Variants in ALG8 observed in about 807,000 individuals in gnomAD.
The protein encoded by ALG8 is ALG8 alpha-1,3-glucosyltransferase, also known as dolichyl pyrophosphate Glc1Man9GlcNAc2 alpha-1,3-glucosyltransferase.
Under a neutral mutation model 70.2 loss-of-function variants are expected in ALG8, and 48 were observed. The ratio of observed to expected loss-of-function variants is 0.68; its 90% confidence interval spans 0.54 to 0.87. The LOEUF (loss-of-function observed/expected upper bound fraction) is 0.87, where lower values mean the gene tolerates loss of function less well. ALG8 is among the 40% of genes least tolerant of loss of function. The pLI is 0.00. For synonymous variants in ALG8, 234 were observed against 229.0 expected, an observed-to-expected ratio of 1.02 and a Z score of -0.20; for missense variants, 572 against 608.7, an observed-to-expected ratio of 0.94 and a Z score of 0.64.
chr11:78,112,262 A>C (rs1054185245), intron 8 of ALG8: 7 of 316,170 alleles, frequency 2.2e-5, no homozygotes, highest in African/African-American at 1.5e-4. Context: ...CCTGGGTGAC[A>C]GTGAGACCCT....
Position 78,121,098 on chromosome 11 carries a change from G to A in ALG8, c.445C>T (p.Leu149Phe), listed in dbSNP as rs1222339135. 2 of 1,613,894 alleles carry A rather than the reference G, an allele frequency of 1.2e-6. No homozygotes were observed. Among genetic ancestry groups the A allele is most frequent in the Non-Finnish European group, 8.5e-7 (1 of 1,179,944 alleles). Residue 149 changes from leucine to phenylalanine, a missense_variant, in exon 4 of 13, where the codon CTT (leucine) becomes TTT (phenylalanine). Leu to Phe is a conservative substitution (Grantham distance 22). Coordinates refer to ENST00000299626, the MANE Select transcript of ALG8 (RefSeq NM_024079.5). ...ATTAATAACCCGAAGTTCCACAGAA[G>A]TAATACCGACAGAATAAATTTTGGC... is the stretch of plus-strand genomic sequence containing the variant. The part of the protein sequence containing the change: ...EKPKFILSVL[L>F]LWNFGLLIVD...
intron 3 of ALG8, among the ~76,000 whole-genome samples, chr11:78,121,526 C>T (rs113998806): frequency 2.0e-4 from 29 of 147,478 alleles, no homozygotes; most frequent in African/African-American, 7.3e-4. Context: ...TGAGGCCAGC[C>T]TGGGCGACAT....
chr11:78,109,651 A>C (rs1681633728), intron 8 of ALG8, 70 bp from the exon 9 acceptor site: 1 of 1,422,838 alleles, frequency 7.0e-7, no homozygotes, highest in Admixed American at 1.7e-5. Context: ...TTAACAATCA[A>C]TTCCTTGAGG....
intron 3 of ALG8, among the ~76,000 whole-genome samples, chr11:78,122,858 G>GC (rs1054568497): frequency 1.2e-5 from 1 of 82,368 alleles, no homozygotes; most frequent in African/African-American, 7.5e-5. Context: ...ATGAGAATGC[G>GC]CAAGGGTTAA....
intron 5 of ALG8, among the ~76,000 whole-genome samples, chr11:78,118,379 G>A (rs1370374876): frequency 6.6e-6 from 1 of 152,244 alleles, no homozygotes; most frequent in East Asian, 1.9e-4. Context: ...ACTTTGGGAG[G>A]CTGAGGCGGG....
chr11:78,114,050 A>G (rs768929600), intron 6 of ALG8, 61 bp from the exon 7 acceptor site: 9 of 1,468,710 alleles, frequency 6.1e-6, no homozygotes, highest in Non-Finnish European at 8.4e-6. Flanking sequence ...ACCATAACCT[A>G]TATCATGTGC....
intron 1 of ALG8, 146 bp downstream of exon 1, chr11:78,139,348 G>C (rs1467672543): frequency 1.2e-6 from 1 of 833,374 alleles, no homozygotes; most frequent in African/African-American, 1.7e-5. Flanking sequence ...AACAACTGGC[G>C]AAACAGAAAG....
intron 1 of ALG8, among the ~76,000 whole-genome samples, chr11:78,132,810 T>C (rs1009733533): frequency 1.8e-4 from 27 of 150,330 alleles, no homozygotes; most frequent in Admixed American, 4.7e-4. Context: ...GGTCGCCTGA[T>C]AGGATCCTGT....
chr11:78,118,108 A>G (rs1363130029), intron 5 of ALG8, among the ~76,000 whole-genome samples: 2 of 151,832 alleles, frequency 1.3e-5, no homozygotes, highest in East Asian at 3.9e-4. Context: ...CATGGAATGT[A>G]TGTAATCTTA....
chr11:78,101,491 G>C (rs1409968108), intron 12 of ALG8, among the ~76,000 whole-genome samples: 1 of 152,084 alleles, frequency 6.6e-6, no homozygotes, highest in Non-Finnish European at 1.5e-5. Flanking sequence ...TAGCCGACCA[G>C]GGTGGCACAG....
At chr11:78,123,997 C>G in intron 3 of ALG8, 24 bp downstream of exon 3, 2 of 1,613,242 alleles carry the variant, frequency 1.2e-6, no homozygotes, top group Non-Finnish European at 1.7e-6. Context: ...ACCTTCCATA[C>G]AAAATGACAT....
At chr11:78,102,629 A>T (rs576244932) in intron 12 of ALG8, among the ~76,000 whole-genome samples, 1 of 152,296 alleles carries the variant, frequency 6.6e-6, no homozygotes, top group Admixed American at 6.5e-5. Context: ...GTTTTTATGG[A>T]CACAGTTATG....
chr11:78,112,803 G>A (rs1323825573), intron 7 of ALG8, 33 bp from the exon 8 acceptor site: 1 of 1,609,168 alleles, frequency 6.2e-7, no homozygotes, highest in East Asian at 2.2e-5. Context: ...TGATTAAACA[G>A]TCATCAATCT....
intron 2 of ALG8, among the ~76,000 whole-genome samples, chr11:78,124,917 G>GA (rs1448964938): frequency 6.6e-6 from 1 of 151,996 alleles, no homozygotes; most frequent in Non-Finnish European, 1.5e-5. Flanking sequence ...TATTGCTTGG[G>GA]ATAAAATAAC....
At chr11:78,110,973 T>C (rs1369621228) in intron 8 of ALG8, among the ~76,000 whole-genome samples, 3 of 152,230 alleles carry the variant, frequency 2.0e-5, no homozygotes, top group Non-Finnish European at 2.9e-5. Context: ...AACTGGCCCT[T>C]GTACCTCATA....
chr11:78,139,622 T>A lies in ALG8; in HGVS notation c.-34A>T. The A allele has an allele frequency of 6.5e-7, 1 of 1,546,300 alleles. No individual in the cohort carries two copies. Among genetic ancestry groups the A allele is most frequent in the Non-Finnish European group, 8.8e-7 (1 of 1,142,544 alleles). On this transcript the variant is annotated 5_prime_UTR_variant, in exon 1 of 13. Transcript: ENST00000299626. The stretch of plus-strand genomic sequence containing the variant: ...CACCGCACGCTTCCCACCAACTTGA[T>A]CCACATCCGGGATCCCGCGCATGCG...
At position 78,104,321 on chromosome 11, in the gene ALG8, A is replaced by G. The variant is rs373009674; in HGVS notation, c.1276+35T>C. Reference sequence around the variant, plus strand: ...TGGGCCTCGATGAAAAGGTTGTGATAGTCAAATATATTTTTCTCAGAAGAC... The same window carrying G: ...TGGGCCTCGATGAAAAGGTTGTGATGGTCAAATATATTTTTCTCAGAAGAC... On this transcript the variant is annotated intron_variant, in intron 11 of 12. Transcript: ENST00000299626. 2.1e-4 allele frequency: 315 copies of G among 1,520,234 alleles called. 1 individual carries two copies. The highest frequency in any genetic ancestry group is 2.6e-4 in the Non-Finnish European group (296 of 1,127,326). 94.2% of individuals were successfully genotyped at this position (1,520,234 alleles called of 1,614,324 possible).
At chr11:78,102,335 G>A (rs375709073) in intron 12 of ALG8, among the ~76,000 whole-genome samples, 31 of 152,032 alleles carry the variant, frequency 2.0e-4, no homozygotes, top group Non-Finnish European at 2.6e-4. Context: ...CTATTCTCTC[G>A]TTTCTTTCAC....
intron 9 of ALG8, among the ~76,000 whole-genome samples, chr11:78,107,337 C>T (rs1481324211): frequency 2.7e-5 from 4 of 148,734 alleles, no homozygotes; most frequent in African/African-American, 9.7e-5. Context: ...TTTCCTGCCT[C>T]AACCTCCCAA....
Sources: gnomAD v4.1 joint callset for allele counts (sites outside exome capture counted in the v4.1 genomes callset) on GRCh38, gnomAD v4.1.1 for gene constraint, MANE v1.5 for transcripts, NCBI Gene and HGNC (gene_info 2026-07-23, HGNC 2026-07-21) for gene names.